The following SGPP1 variants were observed in gnomAD, a reference collection of about 807,000 sequenced individuals.
SGPP1 encodes sphingosine-1-phosphate phosphatase 1, also known as hSPP1.
In SGPP1, 21 loss-of-function variants were observed where a neutral mutation model predicts 33.0. The observed-to-expected ratio is 0.64, with a 90% CI of 0.45 to 0.92. The LOEUF is 0.92. Ranked by LOEUF, SGPP1 falls within the 40% of genes least tolerant of loss-of-function variation. The probability of loss-of-function intolerance (pLI) is 0.00; values close to 1 mark genes in which losing one functional copy is unlikely to be tolerated. For synonymous variants in SGPP1, 239 were observed against 241.2 expected, an observed-to-expected ratio of 0.99 and a Z score of 0.08; for missense variants, 543 against 589.4, an observed-to-expected ratio of 0.92 and a Z score of 0.81.
In SGPP1 at chr14:63,686,634, T is replaced by G; in HGVS notation, c.797A>C (p.Tyr266Ser). 1.2e-6 allele frequency: 2 copies of G among 1,609,288 alleles called. No homozygotes were observed. Among genetic ancestry groups the G allele is most frequent in the Non-Finnish European group, 1.7e-6 (2 of 1,176,534 alleles). ...GAAGACAGCTAAGATTAAAATGGTA[T>G]ATAGGAATCCAGCAATAATATCCTA... ...SILDIIAGFLYTILILAVFYP... is the reference protein window; with the variant it reads ...SILDIIAGFLSTILILAVFYP... Residue 266 changes from tyrosine (Y) to serine (S), a missense_variant, in exon 3 of 3, where the codon TAT becomes TCT. Transcript: ENST00000247225.
At chr14:63,702,544 T>C (rs1315246194) in intron 1 of SGPP1, among the ~76,000 whole-genome samples, 15 of 152,048 alleles carry the variant, frequency 9.9e-5, no homozygotes, top group African/African-American at 1.2e-4. Flanking sequence ...ACCTTGTCTC[T>C]ACTAAAAATA....
intron 1 of SGPP1, among the ~76,000 whole-genome samples, chr14:63,724,717 G>A (rs1885842705): frequency 6.7e-6 from 1 of 149,568 alleles, no homozygotes; most frequent in South Asian, 2.1e-4. Flanking sequence ...TGGTGGGGAG[G>A]CCGATGAGCG....
intron 2 of SGPP1, 119 bp from the exon 3 acceptor site, chr14:63,686,775 A>C (rs1327715748): frequency 5.6e-6 from 4 of 715,234 alleles, no homozygotes; most frequent in East Asian, 2.8e-5. Flanking sequence ...AAAGTTGTCA[A>C]ATTCTCAAAG....
chr14:63,724,018 C>T lies in SGPP1; in HGVS notation c.684+3243G>A, dbSNP rs929712564. On this transcript the variant is annotated intron_variant, in intron 1 of 2. Transcript: ENST00000247225. ...TCAGCCTCCCTAGTAGCTAGAACTA[C>T]AGGCATGCGCCACCATGCCCAGCTG... 7.2e-5 allele frequency among the ~76,000 whole-genome samples: 11 copies of T among 152,054 alleles called. 1 individual carries two copies. Among genetic ancestry groups the T allele is most frequent in the Non-Finnish European group, 1.6e-4 (11 of 68,012 alleles).
chr14:63,727,976 CT>C lies in SGPP1; in HGVS notation c.-33del. 6.6e-7 allele frequency: 1 copy of C among 1,525,542 alleles called. No homozygotes were observed. The highest frequency in any genetic ancestry group is 1.4e-5 in the African/African-American group (1 of 70,472). 94.5% of individuals were successfully genotyped at this position (1,525,542 alleles called of 1,614,324 possible). On this transcript the variant is annotated 5_prime_UTR_variant, in exon 1 of 3. Coordinates refer to ENST00000247225, the MANE Select transcript of SGPP1 (RefSeq NM_030791.4). ...GGAACCCCCGGGAAGGCGGGCCGGC[CT>C]CCGGCGCAGCCCCGAACTGTCCCCG...
intron 1 of SGPP1, among the ~76,000 whole-genome samples, chr14:63,708,721 C>G (rs545689154): frequency 6.6e-6 from 1 of 152,192 alleles, no homozygotes; most frequent in African/African-American, 2.4e-5. Context: ...AGGTGCTATT[C>G]TAAGAGCTTT....
intron 2 of SGPP1, among the ~76,000 whole-genome samples, chr14:63,698,272 G>A (rs1175598217): frequency 6.6e-6 from 1 of 152,172 alleles, no homozygotes; most frequent in Non-Finnish European, 1.5e-5. Flanking sequence ...TCAGTGATAA[G>A]AGAGACACAG....
chr14:63,686,496 C>G lies in SGPP1; in HGVS notation c.935G>C (p.Trp312Ser). 6.2e-7 allele frequency: 1 copy of G among 1,614,014 alleles called. No individual in the cohort carries two copies. The highest frequency in any genetic ancestry group is 8.5e-7 in the Non-Finnish European group (1 of 1,180,008). ...GGCTGTGTCTCCTCGGGATGTGCTC[C>G]AGGTGTCAAGAGTGAAAGAAAAGAT... ...LGIFSFTLDT[W>S]STSRGDTAEI... is the part of the protein sequence containing the mutation. The change falls in exon 3 of 3, where the codon TGG (tryptophan) becomes TCG (serine). Residue 312 changes from tryptophan (W) to serine (S), a missense_variant. Physicochemically the swap from Trp to Ser is radical, Grantham distance 177 (BLOSUM62 -3). Transcript: ENST00000247225.
At chr14:63,709,178 G>A (rs536698593) in intron 1 of SGPP1, among the ~76,000 whole-genome samples, 7 of 152,064 alleles carry the variant, frequency 4.6e-5, no homozygotes, top group East Asian at 1.9e-4. Flanking sequence ...AGTTCGTGAC[G>A]AGCTTGGCCA....
At position 63,701,150 on chromosome 14, in the gene SGPP1, T is replaced by A. The variant is rs114941708; in HGVS notation, c.685-2492A>T. Reference sequence around the variant, plus strand: ...TGTGCCACCACATCCAGCTGATTTTTTAAAAAATATTTTGCAGAGACAGGG... The same window carrying A: ...TGTGCCACCACATCCAGCTGATTTTATAAAAAATATTTTGCAGAGACAGGG... On this transcript the variant is annotated intron_variant, in intron 1 of 2. Transcript: ENST00000247225. 7.6e-3 allele frequency among the ~76,000 whole-genome samples: 1,160 copies of A among 152,162 alleles called. 15 individuals are homozygous for A. Among genetic ancestry groups the A allele is most frequent in the African/African-American group, 0.026 (1,094 of 41,504 alleles).
intron 1 of SGPP1, among the ~76,000 whole-genome samples, chr14:63,705,131 A>G (rs1885381389): frequency 6.6e-6 from 1 of 151,596 alleles, no homozygotes. Context: ...TGTCTTTAAA[A>G]AAAAACAAAA....
chr14:63,727,998 C>A lies in SGPP1; in HGVS notation c.-54G>T. The A allele has an allele frequency of 1.4e-6, 2 of 1,475,366 alleles. No individual in the cohort carries two copies. Among genetic ancestry groups the A allele is most frequent in the South Asian group, 2.6e-5 (2 of 78,346 alleles). 91.4% of individuals were successfully genotyped at this position (1,475,366 alleles called of 1,614,324 possible). ...GGCCTCCGGCGCAGCCCCGAACTGT[C>A]CCCGCGCTCCTGGCCAGCGGCAGCG... On this transcript the variant is annotated 5_prime_UTR_variant, in exon 1 of 3. Coordinates refer to ENST00000247225, the MANE Select transcript of SGPP1 (RefSeq NM_030791.4).
intron 1 of SGPP1, among the ~76,000 whole-genome samples, chr14:63,706,809 G>A (rs1885416762): frequency 6.6e-6 from 1 of 152,112 alleles, no homozygotes; most frequent in Non-Finnish European, 1.5e-5. Context: ...TTGGGAGGAT[G>A]AGATGGGTGG....
At chr14:63,714,321 C>G (rs1885578469) in intron 1 of SGPP1, among the ~76,000 whole-genome samples, 1 of 152,210 alleles carries the variant, frequency 6.6e-6, no homozygotes, top group Non-Finnish European at 1.5e-5. Context: ...GATTGTCTAT[C>G]ATGGTATTTC....
intron 2 of SGPP1, among the ~76,000 whole-genome samples, chr14:63,688,320 A>G (rs1203671476): frequency 7.6e-6 from 1 of 131,710 alleles, no homozygotes; most frequent in Non-Finnish European, 1.6e-5. Context: ...TGTCTCAAAA[A>G]AAAAAAAAAA....
chr14:63,724,616 TAAAA>T (rs34386504), intron 1 of SGPP1, among the ~76,000 whole-genome samples: 16 of 85,004 alleles, frequency 1.9e-4, no homozygotes, highest in Non-Finnish European at 2.6e-4. Context: ...CAAGGATCTT[TAAAA>T]AAAAAAAAAA....
At chr14:63,695,462 T>C (rs1885170127) in intron 2 of SGPP1, among the ~76,000 whole-genome samples, 1 of 152,236 alleles carries the variant, frequency 6.6e-6, no homozygotes, top group Non-Finnish European at 1.5e-5. Flanking sequence ...TAATGCATTG[T>C]TTTTGATTAT....
intron 2 of SGPP1, among the ~76,000 whole-genome samples, chr14:63,692,991 G>C (rs564363728): frequency 2.6e-4 from 40 of 152,266 alleles, no homozygotes; most frequent in African/African-American, 8.4e-4. Context: ...GCCTAGGCTG[G>C]AGGGGAGATC....
intron 1 of SGPP1, among the ~76,000 whole-genome samples, chr14:63,725,747 T>G (rs1240430144): frequency 1.3e-5 from 2 of 152,164 alleles, no homozygotes; most frequent in African/African-American, 4.8e-5. Context: ...CAAAAATAGC[T>G]ATTTTCTCTT....
Sources: gnomAD v4.1 joint callset for allele counts (sites outside exome capture counted in the v4.1 genomes callset) on GRCh38, gnomAD v4.1.1 for gene constraint, MANE v1.5 for transcripts, NCBI Gene and HGNC (gene_info 2026-07-23, HGNC 2026-07-21) for gene names.